LDAH: variants seen among roughly 807,000 people sequenced by gnomAD.
LDAH encodes lipid droplet associated hydrolase, also known as lipid droplet-associated hydrolase.
A neutral mutation model predicts 29.6 loss-of-function variants in LDAH; 26 were observed. The ratio of observed to expected loss-of-function variants is 0.88; its 90% confidence interval spans 0.64 to 1.22. LDAH has a LOEUF of 1.22. Ranked by LOEUF, LDAH falls within the 50% of genes most tolerant of loss-of-function variation. LDAH has a pLI of 0.00. For synonymous variants in LDAH, 117 were observed against 133.0 expected, an observed-to-expected ratio of 0.88 and a Z score of 0.83; for missense variants, 344 against 387.3, an observed-to-expected ratio of 0.89 and a Z score of 0.94.
At chr2:20,768,396 A>AC (rs1669184152) in intron 4 of LDAH, among the ~76,000 whole-genome samples, 1 of 152,148 alleles carries the variant, frequency 6.6e-6, no homozygotes, top group Non-Finnish European at 1.5e-5. Context: ...GAAGCTGCTT[A>AC]CAGTGTGCCT....
chr2:20,692,792 G>A (rs758194305), intron 6 of LDAH, among the ~76,000 whole-genome samples: 4 of 152,160 alleles, frequency 2.6e-5, no homozygotes, highest in Non-Finnish European at 4.4e-5. Context: ...AATTTGTGGG[G>A]TGCCTGTTTT....
intron 5 of LDAH, among the ~76,000 whole-genome samples, chr2:20,726,576 GTTAT>G (rs1246937003): frequency 1.3e-5 from 2 of 152,184 alleles, no homozygotes; most frequent in African/African-American, 2.4e-5. Flanking sequence ...TTCTTCAGCG[GTTAT>G]TTATTTATTT....
intron 3 of LDAH, among the ~76,000 whole-genome samples, chr2:20,781,611 G>T (rs1670201893): frequency 6.6e-6 from 1 of 152,162 alleles, no homozygotes; most frequent in Non-Finnish European, 1.5e-5. Flanking sequence ...AGCTGAATGG[G>T]GGGCTGGTCC....
At chr2:20,786,350 C>T (rs749088549) in intron 3 of LDAH, among the ~76,000 whole-genome samples, 7 of 151,912 alleles carry the variant, frequency 4.6e-5, no homozygotes, top group African/African-American at 4.8e-5. Context: ...CCACCATGCC[C>T]GGCTAATTTT....
rs564096799 is a variant in LDAH at position 20,768,049 on chromosome 2, G to A, written c.468+6761C>T. Among the ~76,000 whole-genome samples the A allele has an allele frequency of 1.3e-4, 20 of 152,234 alleles. 1 individual carries two copies. The highest frequency in any genetic ancestry group is 1.2e-3 in the South Asian group (6 of 4,818). The stretch of plus-strand genomic sequence containing the variant: ...GCTACACAGAGGAGCTGTCCACTGC[G>A]GGTCTTCTCTGAGCTGTTTTATTGC... On this transcript the variant is annotated intron_variant, in intron 4 of 6. Transcript: ENST00000237822.
In LDAH at chr2:20,729,453, G is replaced by C. The variant is rs145760185; in HGVS notation, c.703+10518C>G. ...GTATAAAATTTATATCCCATGTCCT[G>C]ATTTGAGTTTAGAAAATATTTCTAA... On this transcript the variant is annotated intron_variant, in intron 5 of 6. Coordinates refer to ENST00000237822, the MANE Select transcript of LDAH (RefSeq NM_021925.4). Among the ~76,000 whole-genome samples, 360 of 152,208 alleles carry C rather than the reference G, an allele frequency of 2.4e-3. 3 individuals carry two copies. The highest frequency in any genetic ancestry group is 8.0e-3 in the African/African-American group (333 of 41,538).
At chr2:20,726,536 A>G (rs56078519) in intron 5 of LDAH, among the ~76,000 whole-genome samples, 3,670 of 152,208 alleles carry the variant, frequency 0.024, 70 homozygotes, top group Non-Finnish European at 0.039. Flanking sequence ...AGTCTTAGAA[A>G]CCCAGATGAA....
chr2:20,753,235 C>G (rs959400481), intron 4 of LDAH, among the ~76,000 whole-genome samples: 3 of 152,134 alleles, frequency 2.0e-5, no homozygotes, highest in Admixed American at 2.0e-4. Context: ...ATTTTCTTAT[C>G]TTTTTTAACA....
At chr2:20,751,178 G>A (rs1418413521) in intron 4 of LDAH, among the ~76,000 whole-genome samples, 1 of 152,114 alleles carries the variant, frequency 6.6e-6, no homozygotes, top group Non-Finnish European at 1.5e-5. Flanking sequence ...GTCTGATTTT[G>A]AAATAATTCT....
In LDAH at chr2:20,685,560, G is replaced by C; in HGVS notation, c.*1343C>G. On this transcript the variant is annotated 3_prime_UTR_variant, in exon 7 of 7. Coordinates refer to ENST00000237822, the MANE Select transcript of LDAH (RefSeq NM_021925.4). The stretch of plus-strand genomic sequence containing the variant: ...TTCAGCACTTACCAATAAGTTGGCA[G>C]CAAATCAGAGCCAAATCTTTCATCA... 1 of 1,550,410 alleles carries C rather than the reference G, an allele frequency of 6.4e-7. No homozygotes were observed. Among genetic ancestry groups the C allele is most frequent in the Non-Finnish European group, 8.7e-7 (1 of 1,146,940 alleles).
At chr2:20,733,288 T>G (rs563381947) in intron 5 of LDAH, among the ~76,000 whole-genome samples, 4 of 151,978 alleles carry the variant, frequency 2.6e-5, no homozygotes, top group Non-Finnish European at 5.9e-5. Flanking sequence ...TGGAGTTCAG[T>G]GGCATGATCA....
intron 4 of LDAH, among the ~76,000 whole-genome samples, chr2:20,767,812 G>C (rs1459319909): frequency 6.6e-6 from 1 of 152,232 alleles, no homozygotes; most frequent in Non-Finnish European, 1.5e-5. Flanking sequence ...GGCTCAGCCA[G>C]AGCAGAGCAG....
intron 6 of LDAH, among the ~76,000 whole-genome samples, chr2:20,688,365 T>C (rs527647943): frequency 1.3e-5 from 2 of 152,186 alleles, no homozygotes; most frequent in South Asian, 4.2e-4. Context: ...TGGTGGGAGA[T>C]AAGACTGGAG....
At chr2:20,799,760 T>A (rs115704890) in intron 2 of LDAH, among the ~76,000 whole-genome samples, 7,100 of 152,198 alleles carry the variant, frequency 0.047, 229 homozygotes, top group Non-Finnish European at 0.078. Context: ...ACTTTAAAGA[T>A]CATTTAAGCT....
chr2:20,811,315 G>A (rs1199611148), intron 1 of LDAH, among the ~76,000 whole-genome samples: 1 of 151,916 alleles, frequency 6.6e-6, no homozygotes, highest in Non-Finnish European at 1.5e-5. Flanking sequence ...GCCGCGCCCG[G>A]ACTCAACCTT....
chr2:20,769,064 G>C (rs557079504), intron 4 of LDAH, among the ~76,000 whole-genome samples: 9 of 151,916 alleles, frequency 5.9e-5, no homozygotes, highest in Non-Finnish European at 1.0e-4. Context: ...ACCCCTCCAC[G>C]CACACTCTGC....
intron 5 of LDAH, among the ~76,000 whole-genome samples, chr2:20,729,261 A>C (rs542964079): frequency 1.3e-5 from 2 of 152,310 alleles, no homozygotes; most frequent in South Asian, 2.1e-4. Context: ...AAGTGTATAT[A>C]ACTCTGATGC....
chr2:20,767,749 C>T (rs1337005809), intron 4 of LDAH, among the ~76,000 whole-genome samples: 1 of 152,206 alleles, frequency 6.6e-6, no homozygotes, highest in African/African-American at 2.4e-5. Context: ...CCCTGGCTGC[C>T]CATGGACCAA....
chr2:20,724,350 T>C (rs340620), intron 5 of LDAH, among the ~76,000 whole-genome samples: 106,141 of 152,110 alleles, frequency 0.7, 38,619 homozygotes, highest in African/African-American at 0.92. Context: ...TTCTCTTCTA[T>C]CCCACTGTAA....
Sources: gnomAD v4.1 joint callset for allele counts (sites outside exome capture counted in the v4.1 genomes callset) on GRCh38, gnomAD v4.1.1 for gene constraint, MANE v1.5 for transcripts, NCBI Gene and HGNC (gene_info 2026-07-23, HGNC 2026-07-21) for gene names.